KIF2C: variants seen among roughly 807,000 people sequenced by gnomAD.
The protein encoded by KIF2C is kinesin family member 2C, also known as kinesin-like protein KIF2C.
KIF2C carries 34 observed loss-of-function variants against 97.4 expected under a neutral mutation model. The observed-to-expected ratio is 0.35, with a 90% CI of 0.27 to 0.46. The LOEUF (loss-of-function observed/expected upper bound fraction) is 0.46, where lower values mean the gene tolerates loss of function less well. Ranked by LOEUF, KIF2C falls within the 20% of genes least tolerant of loss-of-function variation. The probability of loss-of-function intolerance (pLI) is 1.00; values close to 1 mark genes in which losing one functional copy is unlikely to be tolerated. For synonymous variants in KIF2C, 313 were observed against 318.2 expected (o/e 0.98, Z 0.17); for missense variants, 750 against 907.6 (o/e 0.83, Z 2.23).
At chr1:44,747,187 A>G (rs1438326310) in intron 2 of KIF2C, among the ~76,000 whole-genome samples, 197 bp from the exon 3 acceptor site, 1 of 151,846 alleles carries the variant, frequency 6.6e-6, no homozygotes, top group East Asian at 1.9e-4. Context: ...GCATGCCTGT[A>G]GTCCCAGCTA....
chr1:44,746,103 C>G lies in KIF2C; in HGVS notation c.166-1281C>G, dbSNP rs138876855. ...GTGTTGCCCAGGCTGGCCTTGAACT[C>G]CTGAGGTCAGGTAATCCGCCCACCT... On this transcript the variant is annotated intron_variant, in intron 2 of 20. Coordinates refer to ENST00000372224, the MANE Select transcript of KIF2C (RefSeq NM_006845.4). Among the ~76,000 whole-genome samples the G allele has an allele frequency of 4.0e-3, 611 of 152,166 alleles. 6 individuals are homozygous for G. The highest frequency in any genetic ancestry group is 0.014 in the African/African-American group (578 of 41,526).
intron 2 of KIF2C, chr1:44,746,844 G>T: frequency 7.7e-7 from 1 of 1,302,920 alleles, no homozygotes. Context: ...TGAATTTAGG[G>T]GTACCCCTGT....
At chr1:44,745,464 C>CTTGTTTTTTTTTTTTTTTTTTTTT (rs1649138747) in intron 2 of KIF2C, among the ~76,000 whole-genome samples, 1 of 38,348 alleles carries the variant, frequency 2.6e-5, no homozygotes, top group Non-Finnish European at 4.6e-5. Flanking sequence ...TTGTATATGT[C>CTTGTTTTTTTTTTTTTTTTTTTTT]TTTTTTTTTT....
In KIF2C at chr1:44,762,538, C is replaced by T. The variant is rs1437234984; in HGVS notation, c.1858-7C>T. 1.2e-6 allele frequency: 2 copies of T among 1,613,054 alleles called. No individual in the cohort carries two copies. The highest frequency in any genetic ancestry group is 1.1e-5 in the South Asian group (1 of 91,066). On this transcript the variant is annotated splice_polypyrimidine_tract_variant and splice_region_variant and intron_variant, in intron 18 of 20. Coordinates refer to ENST00000372224, the MANE Select transcript of KIF2C (RefSeq NM_006845.4). ...CACATAATTGTCTTTCTTTTTGGCC[C>T]TCTCAGTTATCCAAGGAAGAGGAGG...
intron 7 of KIF2C, among the ~76,000 whole-genome samples, chr1:44,754,141 C>T (rs1264256469): frequency 6.6e-6 from 1 of 151,598 alleles, no homozygotes; most frequent in East Asian, 1.9e-4. Context: ...GACAGAGTTT[C>T]GCTATTTTGC....
At chr1:44,747,248 CA>C (rs1649249635) in intron 2 of KIF2C, 135 bp from the exon 3 acceptor site, 2 of 683,838 alleles carry the variant, frequency 2.9e-6, no homozygotes, top group Non-Finnish European at 5.0e-6. Context: ...GCAGAGGTTG[CA>C]TTGAACCAAG....
intron 19 of KIF2C, among the ~76,000 whole-genome samples, chr1:44,764,525 G>T (rs1357226544): frequency 6.7e-6 from 1 of 149,928 alleles, no homozygotes; most frequent in East Asian, 2.0e-4. Flanking sequence ...TTGTTTTGGG[G>T]GGGGATGGAG....
Position 44,761,942 on chromosome 1 carries a change from C to G in KIF2C, c.1710C>G (p.Ser570Arg). The change falls in exon 17 of 21, where the codon AGC (serine) becomes AGG (arginine). Residue 570 changes from serine (S) to arginine (R), a missense_variant. Transcript: ENST00000372224. ...TTGCCACGATCTCACCAGGCATAAG[C>G]TCCTGTGAATATACTTTAAACACCC... Reference protein sequence around the residue: ...CMIATISPGISSCEYTLNTLR... With the variant: ...CMIATISPGIRSCEYTLNTLR... The G allele has an allele frequency of 6.2e-7, 1 of 1,614,144 alleles. No individual in the cohort carries two copies. The highest frequency in any genetic ancestry group is 1.3e-5 in the African/African-American group (1 of 75,046).
intron 2 of KIF2C, among the ~76,000 whole-genome samples, chr1:44,744,771 G>C (rs1247077696): frequency 1.3e-5 from 2 of 152,114 alleles, no homozygotes; most frequent in East Asian, 3.9e-4. Context: ...GTGGTGGTGC[G>C]CACCTGTAGT....
chr1:44,744,678 A>C (rs1163085603), intron 2 of KIF2C, among the ~76,000 whole-genome samples: 2 of 152,084 alleles, frequency 1.3e-5, no homozygotes, highest in Non-Finnish European at 2.9e-5. Flanking sequence ...AAGCGGGCGG[A>C]TCATGAGGTC....
intron 4 of KIF2C, among the ~76,000 whole-genome samples, chr1:44,748,291 C>T (rs147333545): frequency 6.6e-6 from 1 of 152,282 alleles, no homozygotes; most frequent in African/African-American, 2.4e-5. Flanking sequence ...GTGACCTGCA[C>T]AGCTCTCCAG....
At chr1:44,753,686 A>G (rs1649648375) in intron 6 of KIF2C, 47 bp from the exon 7 acceptor site, 1 of 1,384,492 alleles carries the variant, frequency 7.2e-7, no homozygotes, top group African/African-American at 1.5e-5. Flanking sequence ...TAAACTGGTA[A>G]CAGAGTGGGC....
At chr1:44,763,681 T>C (rs1223970053) in intron 19 of KIF2C, among the ~76,000 whole-genome samples, 1 of 152,082 alleles carries the variant, frequency 6.6e-6, no homozygotes, top group Non-Finnish European at 1.5e-5. Context: ...GGAGCCTGGT[T>C]TGGGGGCTTG....
chr1:44,760,976 G>T lies in KIF2C; in HGVS notation c.1683+274G>T. The T allele has an allele frequency of 2.6e-6, 1 of 379,122 alleles. No homozygotes were observed. The highest frequency in any genetic ancestry group is 5.3e-5 in the East Asian group (1 of 18,792). The allele number at this position is 379,122 out of a possible 1,614,324, so 23.5% of individuals were successfully genotyped here. A position where few individuals can be genotyped will look rare whatever the true frequency, so the allele number is the denominator to read the frequency against. On this transcript the variant is annotated intron_variant, in intron 16 of 20. Coordinates refer to ENST00000372224, the MANE Select transcript of KIF2C (RefSeq NM_006845.4). The surrounding 1 kb of genome is among the most constrained non-coding windows in gnomAD (Gnocchi z 4.2). ...TCCTGCATTACCTGATGAAAAGGGG[G>T]TTCCAGAATTCGGAAGATGGGCCTT... is the stretch of plus-strand genomic sequence containing the variant.
chr1:44,748,404 G>A (rs1208314161), intron 4 of KIF2C, among the ~76,000 whole-genome samples: 1 of 152,172 alleles, frequency 6.6e-6, no homozygotes, highest in African/African-American at 2.4e-5. Context: ...GGAAGGTGGT[G>A]CCATTGCAAG....
Position 44,756,215 on chromosome 1 carries a change from G to A in KIF2C, c.955G>A (p.Ala319Thr), listed in dbSNP as rs1274702071. The A allele has an allele frequency of 2.5e-6, 4 of 1,614,230 alleles. No individual in the cohort carries two copies. The highest frequency in any genetic ancestry group is 2.5e-6 in the Non-Finnish European group (3 of 1,180,038). ...CTTTGACTTTGCATTTGATGAAACA[G>A]CTTCGAATGAAGTTGTCTACAGGTT... is the stretch of plus-strand genomic sequence containing the variant. Reference protein sequence around the residue: ...FCFDFAFDETASNEVVYRFTA... With the variant: ...FCFDFAFDETTSNEVVYRFTA... Residue 319 changes from alanine (A) to threonine (T), a missense_variant, in exon 10 of 21, where the codon GCT (alanine) becomes ACT (threonine). By Grantham distance (58) the Ala-to-Thr change is moderately conservative. Coordinates refer to ENST00000372224, the MANE Select transcript of KIF2C (RefSeq NM_006845.4).
Position 44,758,057 on chromosome 1 carries a change from G to A in KIF2C, c.1141G>A (p.Val381Ile), listed in dbSNP as rs958152006. Residue 381 changes from valine to isoleucine, a missense_variant, in exon 13 of 21, where the codon GTC (valine) becomes ATC (isoleucine). Transcript: ENST00000372224. ...AAAGTTCTCTCCCTCAGCCCGGGAC[G>A]TCTTCCTCCTGAAGAATCAACCCTG... Reference protein sequence around the residue: ...KGIYAMASRDVFLLKNQPCYR... With the variant: ...KGIYAMASRDIFLLKNQPCYR... 3.7e-6 allele frequency: 6 copies of A among 1,614,164 alleles called. No individual in the cohort carries two copies. The highest frequency in any genetic ancestry group is 4.2e-6 in the Non-Finnish European group (5 of 1,180,002).
intron 2 of KIF2C, 45 bp downstream of exon 2, chr1:44,741,052 C>T (rs1203985978): frequency 1.4e-6 from 2 of 1,420,896 alleles, no homozygotes; most frequent in Non-Finnish European, 2.0e-6. Flanking sequence ...TGTCTTCCTA[C>T]ATAAAGGATC....
At chr1:44,744,825 G>T (rs796941449) in intron 2 of KIF2C, among the ~76,000 whole-genome samples, 1 of 152,052 alleles carries the variant, frequency 6.6e-6, no homozygotes, top group Non-Finnish European at 1.5e-5. Flanking sequence ...GCTTGAACCC[G>T]GGAGGTGGAG....
Sources: gnomAD v4.1 joint callset for allele counts (sites outside exome capture counted in the v4.1 genomes callset) on GRCh38, gnomAD v4.1.1 for gene constraint, Gnocchi (gnomAD v3.1) non-coding constraint, MANE v1.5 for transcripts, NCBI Gene and HGNC (gene_info 2026-07-23, HGNC 2026-07-21) for gene names.